The following ZBTB44 variants were observed in gnomAD, a reference collection of about 807,000 sequenced individuals.
ZBTB44 encodes the protein zinc finger and BTB domain-containing protein 44.
A neutral mutation model predicts 54.0 loss-of-function variants in ZBTB44; 15 were observed. The ratio of observed to expected loss-of-function variants is 0.28; its 90% CI spans 0.19 to 0.43. The LOEUF (loss-of-function observed/expected upper bound fraction) is 0.43. Ranked by LOEUF, ZBTB44 falls within the 20% of genes least tolerant of loss-of-function variation. The probability of loss-of-function intolerance (pLI) is 1.00; values close to 1 mark genes in which losing one functional copy is unlikely to be tolerated. For missense variants in ZBTB44, 487 were observed against 707.1 expected (o/e 0.69, Z 3.53); for synonymous variants, 230 against 250.1 (o/e 0.92, Z 0.76).
rs1043924925 is a variant in ZBTB44, at chr11:130,280,137, AT to A, written c.-56-18209del. On this transcript the variant is annotated intron_variant, in intron 1 of 7. Transcript: ENST00000357899. The stretch of plus-strand genomic sequence containing the variant: ...AAGCCCAAAGTACAGCCTTCATTTC[AT>A]TAGCAGGGGATGGGTGTAAGAAGGG... Among the ~76,000 whole-genome samples, 5 of 152,292 alleles carry A rather than the reference AT, an allele frequency of 3.3e-5. No individual in the cohort carries two copies. In the East Asian group the frequency reaches 9.7e-4, roughly 29 times the overall value.
intron 1 of ZBTB44, chr11:130,285,811 C>G (rs17139249): frequency 0.056 from 10,010 of 179,620 alleles, 764 homozygotes; most frequent in African/African-American, 0.18. Context: ...ACAAGGCACA[C>G]AACAAATCCT....
In ZBTB44 at chr11:130,244,657, ACT is replaced by A. The variant is rs540499275; in HGVS notation, c.1019-4763_1019-4762del. Among the ~76,000 whole-genome samples, 592 of 122,326 alleles carry A rather than the reference ACT, an allele frequency of 4.8e-3. 1 individual carries two copies. Among genetic ancestry groups the A allele is most frequent in the Non-Finnish European group, 7.6e-3 (462 of 60,944 alleles). The allele number at this position is 122,326 out of a possible 152,430, so 80.3% of individuals were successfully genotyped here. Reference sequence around the variant, plus strand: ...ACTCCAGCCTGGGCGACAGAGAGAGACTCTGTCTGGAAAAAAAAAAAAAAAAA... The same window carrying A: ...ACTCCAGCCTGGGCGACAGAGAGAGACTGTCTGGAAAAAAAAAAAAAAAAA... On this transcript the variant is annotated intron_variant, in intron 2 of 7. Transcript: ENST00000357899.
chr11:130,293,618 T>C (rs977042657), intron 1 of ZBTB44, among the ~76,000 whole-genome samples: 1 of 132,918 alleles, frequency 7.5e-6, no homozygotes, highest in African/African-American at 3.1e-5. Flanking sequence ...CATCTCTACT[T>C]AAAGAAAAAA....
At chr11:130,246,923 G>T (rs1440079231) in intron 2 of ZBTB44, among the ~76,000 whole-genome samples, 2 of 152,098 alleles carry the variant, frequency 1.3e-5, no homozygotes, top group Admixed American at 1.3e-4. Context: ...AAACATACCA[G>T]TCATCCCCAT....
intron 3 of ZBTB44, 133 bp from the exon 4 acceptor site, chr11:130,238,740 C>A: frequency 1.1e-6 from 1 of 910,782 alleles, no homozygotes; most frequent in Non-Finnish European, 1.5e-6. Context: ...TGTTAGACTT[C>A]AAGTTTTACT....
intron 1 of ZBTB44, among the ~76,000 whole-genome samples, chr11:130,312,945 G>A (rs555314739): frequency 1.3e-5 from 2 of 152,276 alleles, no homozygotes; most frequent in Admixed American, 6.5e-5. Context: ...CACATACAGA[G>A]AAAGACAGGA....
chr11:130,267,081 G>C (rs936753778), intron 1 of ZBTB44, among the ~76,000 whole-genome samples: 2 of 152,044 alleles, frequency 1.3e-5, no homozygotes, highest in African/African-American at 4.8e-5. Context: ...CCTGGCAACA[G>C]GGTGAAACAC....
intron 1 of ZBTB44, chr11:130,285,833 G>A (rs186389565): frequency 4.5e-4 from 73 of 161,908 alleles, no homozygotes; most frequent in Admixed American, 5.7e-4. Flanking sequence ...AGACCAACCC[G>A]TGCTGTCCAC....
intron 1 of ZBTB44, among the ~76,000 whole-genome samples, chr11:130,311,319 C>A (rs923306615): frequency 7.2e-5 from 11 of 152,124 alleles, no homozygotes; most frequent in Non-Finnish European, 1.2e-4. Context: ...AGTGATCCAC[C>A]TGCTTCAGCC....
chr11:130,284,218 TATG>T (rs1940762917), intron 1 of ZBTB44, among the ~76,000 whole-genome samples: 1 of 152,366 alleles, frequency 6.6e-6, no homozygotes, highest in Admixed American at 6.5e-5. Flanking sequence ...TTATACTGTA[TATG>T]ATGTTAATTG....
intron 2 of ZBTB44, among the ~76,000 whole-genome samples, chr11:130,240,560 A>T (rs924915977): frequency 1.3e-5 from 2 of 152,228 alleles, no homozygotes; most frequent in Non-Finnish European, 2.9e-5. Flanking sequence ...GAAGACATAC[A>T]ACTTGTTGCA....
At chr11:130,285,051 A>G (rs1317456901) in intron 1 of ZBTB44, 2 of 160,660 alleles carry the variant, frequency 1.2e-5, no homozygotes, top group Non-Finnish European at 2.9e-5. Flanking sequence ...ATCTTGCGGC[A>G]TCTGGGATTC....
At chr11:130,242,900 T>C (rs1010048703) in intron 2 of ZBTB44, among the ~76,000 whole-genome samples, 8 of 152,210 alleles carry the variant, frequency 5.3e-5, no homozygotes, top group Admixed American at 5.2e-4. Context: ...TTCTCCTCTT[T>C]GCTACTGCAG....
chr11:130,302,811 T>C lies in ZBTB44; in HGVS notation c.-57+11564A>G, dbSNP rs192735524. 2.8e-3 allele frequency among the ~76,000 whole-genome samples: 431 copies of C among 152,038 alleles called. 1 individual carries two copies. Among genetic ancestry groups the C allele is most frequent in the Non-Finnish European group, 4.4e-3 (298 of 67,952 alleles). ...GACATGGTGAAACCCCGTCTCTACT[T>C]AAAAAATACAAAAACCTGCTGGGTG... is the stretch of plus-strand genomic sequence containing the variant. On this transcript the variant is annotated intron_variant, in intron 1 of 7. Transcript: ENST00000357899.
intron 1 of ZBTB44, among the ~76,000 whole-genome samples, chr11:130,269,774 C>G (rs979683994): frequency 3.9e-5 from 6 of 152,144 alleles, no homozygotes; most frequent in African/African-American, 1.4e-4. Flanking sequence ...GTTCACCTCT[C>G]TAATGATGCT....
chr11:130,303,404 G>C (rs1942088232), intron 1 of ZBTB44, among the ~76,000 whole-genome samples: 1 of 152,230 alleles, frequency 6.6e-6, no homozygotes, highest in Non-Finnish European at 1.5e-5. Flanking sequence ...AGGAGGCCGA[G>C]GTGGGTGGAT....
At chr11:130,232,318 T>C (rs1953906420) in intron 7 of ZBTB44, 1 of 151,918 alleles carries the variant, frequency 6.6e-6, no homozygotes, top group Admixed American at 6.6e-5. Context: ...TATTAAACTT[T>C]GGGTATCTAC....
intron 1 of ZBTB44, among the ~76,000 whole-genome samples, chr11:130,303,044 T>C (rs1033272367): frequency 2.0e-5 from 3 of 152,154 alleles, no homozygotes; most frequent in Non-Finnish European, 4.4e-5. Flanking sequence ...GAAAAACTTA[T>C]TCTTTATTTT....
chr11:130,251,967 C>A (rs758181889), intron 2 of ZBTB44, among the ~76,000 whole-genome samples: 25 of 152,262 alleles, frequency 1.6e-4, no homozygotes, highest in African/African-American at 5.8e-4. Context: ...TTAAAAGACA[C>A]AGACTGGCAA....
Sources: gnomAD v4.1 joint callset for allele counts (sites outside exome capture counted in the v4.1 genomes callset) on GRCh38, gnomAD v4.1.1 for gene constraint, MANE v1.5 for transcripts, NCBI Gene and HGNC (gene_info 2026-07-23, HGNC 2026-07-21) for gene names.